Variants in ANKRD6 observed in about 807,000 individuals in gnomAD.
ANKRD6 encodes the protein ankyrin repeat domain 6.
In ANKRD6, 56 loss-of-function variants were observed where a neutral mutation model predicts 82.3. That is an observed-to-expected ratio of 0.68 (90% CI 0.55 to 0.85). ANKRD6 has a LOEUF of 0.85. Among genes scored for constraint, ANKRD6 ranks in the 40% least tolerant of loss-of-function variants. The probability of loss-of-function intolerance (pLI) is 0.00; values close to 1 mark genes in which losing one functional copy is unlikely to be tolerated. For synonymous variants in ANKRD6, 347 were observed against 352.1 expected (o/e 0.99, Z 0.16); for missense variants, 852 against 907.6 (o/e 0.94, Z 0.79).
intron 1 of ANKRD6, among the ~76,000 whole-genome samples, chr6:89,505,805 T>G (rs1357429235): frequency 6.6e-6 from 1 of 152,222 alleles, no homozygotes; most frequent in African/African-American, 2.4e-5. Context: ...TGTTGCAGCA[T>G]TACTTAAAAT....
intron 1 of ANKRD6, among the ~76,000 whole-genome samples, chr6:89,473,396 C>CT (rs1465893028): frequency 6.8e-6 from 1 of 147,150 alleles, no homozygotes; most frequent in African/African-American, 2.5e-5. Flanking sequence ...GAGTGAGACT[C>CT]TGTCTAAAAA....
chr6:89,601,540 TAAAAG>T (rs1797158479), intron 3 of ANKRD6: 1 of 152,202 alleles, frequency 6.6e-6, no homozygotes, highest in South Asian at 2.1e-4. Flanking sequence ...TATAAAAAGT[TAAAAG>T]AGAAAAATCC....
chr6:89,551,963 C>T (rs1043194103), intron 1 of ANKRD6, among the ~76,000 whole-genome samples: 3 of 152,172 alleles, frequency 2.0e-5, no homozygotes, highest in Admixed American at 6.5e-5. Flanking sequence ...CCTCTTTTTA[C>T]AAAGATGTGG....
At chr6:89,604,492 T>C (rs1285568297) in intron 4 of ANKRD6, among the ~76,000 whole-genome samples, 1 of 151,696 alleles carries the variant, frequency 6.6e-6, no homozygotes, top group Non-Finnish European at 1.5e-5. Flanking sequence ...TTAAAGAGGC[T>C]ATGCTGGGAA....
At chr6:89,599,896 T>C (rs1166590365) in intron 3 of ANKRD6, among the ~76,000 whole-genome samples, 2 of 151,890 alleles carry the variant, frequency 1.3e-5, no homozygotes, top group African/African-American at 4.8e-5. Flanking sequence ...AGTCCGAGCC[T>C]GGCCTGACAG....
intron 1 of ANKRD6, among the ~76,000 whole-genome samples, chr6:89,558,077 G>A (rs1786869276): frequency 6.6e-6 from 1 of 152,144 alleles, no homozygotes; most frequent in South Asian, 2.1e-4. Flanking sequence ...CCCCACTGCT[G>A]AGTTTGTGGA....
At chr6:89,535,611 G>A (rs1315052830) in intron 1 of ANKRD6, among the ~76,000 whole-genome samples, 1 of 152,232 alleles carries the variant, frequency 6.6e-6, no homozygotes, top group Non-Finnish European at 1.5e-5. Context: ...ACTCCTGGCA[G>A]TAGTGACCAG....
intron 1 of ANKRD6, chr6:89,561,629 T>C (rs991116990): frequency 6.6e-6 from 1 of 152,258 alleles, no homozygotes; most frequent in Non-Finnish European, 1.5e-5. Context: ...TCGTGGCTTT[T>C]CAGTGGCCAG....
At chr6:89,479,022 C>G (rs1334391265) in intron 1 of ANKRD6, among the ~76,000 whole-genome samples, 2 of 152,112 alleles carry the variant, frequency 1.3e-5, no homozygotes, top group African/African-American at 4.8e-5. Flanking sequence ...ATAATGCAGA[C>G]ATTTGGATGA....
Position 89,595,901 on chromosome 6 carries a change from A to G in ANKRD6, c.121-15A>G, listed in dbSNP as rs2128153175. 1.9e-6 allele frequency: 3 copies of G among 1,591,806 alleles called. No individual in the cohort carries two copies. Among genetic ancestry groups the G allele is most frequent in the Non-Finnish European group, 2.6e-6 (3 of 1,167,250 alleles). On this transcript the variant is annotated splice_polypyrimidine_tract_variant and intron_variant, in intron 2 of 15. Coordinates refer to ENST00000339746, the MANE Select transcript of ANKRD6 (RefSeq NM_001242809.2). Reference sequence around the variant, plus strand: ...AGGACTTGTTCCGAAATCATTGTTCATTTTGCATTCACAGCATGGCCGGAC... The same window carrying G: ...AGGACTTGTTCCGAAATCATTGTTCGTTTTGCATTCACAGCATGGCCGGAC...
chr6:89,470,620 A>G (rs1237694073), intron 1 of ANKRD6, among the ~76,000 whole-genome samples: 2 of 151,936 alleles, frequency 1.3e-5, no homozygotes, highest in Non-Finnish European at 2.9e-5. Context: ...TGCCTCAATA[A>G]TAATAATAAT....
At chr6:89,535,299 A>G (rs1158901170) in intron 1 of ANKRD6, among the ~76,000 whole-genome samples, 2 of 152,118 alleles carry the variant, frequency 1.3e-5, no homozygotes, top group Admixed American at 1.3e-4. Context: ...TGCAGTATAA[A>G]ATGGGATAAA....
At chr6:89,564,851 G>T (rs1248875942) in intron 1 of ANKRD6, among the ~76,000 whole-genome samples, 4 of 152,028 alleles carry the variant, frequency 2.6e-5, no homozygotes, top group Non-Finnish European at 5.9e-5. Context: ...TTAACAAATG[G>T]GTAGATGACG....
At chr6:89,563,715 G>T (rs967830863) in intron 1 of ANKRD6, among the ~76,000 whole-genome samples, 11 of 151,218 alleles carry the variant, frequency 7.3e-5, no homozygotes, top group African/African-American at 1.7e-4. Flanking sequence ...TTCTTAAACT[G>T]CCCCCCACCC....
Position 89,627,649 on chromosome 6 carries a change from C to A in ANKRD6, c.1438C>A (p.Leu480Met). ...SAERTECLNR[L>M]QQHSDTEKHE... ...AGAGAGGACGGAGTGCCTGAACCGC[C>A]TGCAACAGCACTCAGACACAGAGAA... Residue 480 changes from leucine (L) to methionine (M), a missense_variant, in exon 14 of 16, where the codon CTG becomes ATG. Transcript: ENST00000339746. 1 of 1,613,830 alleles carries A rather than the reference C, an allele frequency of 6.2e-7. No homozygotes were observed. Among genetic ancestry groups the A allele is most frequent in the Non-Finnish European group, 8.5e-7 (1 of 1,179,778 alleles).
At chr6:89,492,779 T>C (rs935549573) in intron 1 of ANKRD6, among the ~76,000 whole-genome samples, 8 of 152,228 alleles carry the variant, frequency 5.3e-5, no homozygotes, top group African/African-American at 1.7e-4. Flanking sequence ...CTAGAAGAAC[T>C]GGACCATTTG....
intron 1 of ANKRD6, among the ~76,000 whole-genome samples, chr6:89,480,236 A>G (rs1299792058): frequency 6.6e-6 from 1 of 152,154 alleles, no homozygotes; most frequent in Admixed American, 6.5e-5. Context: ...TTTCTGTTCT[A>G]TTTTGTGTGT....
chr6:89,557,030 T>C lies in ANKRD6; in HGVS notation c.-143-9804T>C, dbSNP rs562593341. The stretch of plus-strand genomic sequence containing the variant: ...ATAGGGGGAAGGGGAAGAAGAGAAA[T>C]GGGGGAGGAATGTTCCAGATTAGGG... On this transcript the variant is annotated intron_variant, in intron 1 of 15. Coordinates refer to ENST00000339746, the MANE Select transcript of ANKRD6 (RefSeq NM_001242809.2). Among the ~76,000 whole-genome samples the C allele has an allele frequency of 1.1e-4, 17 of 151,416 alleles. No homozygotes were observed. In the East Asian group the frequency reaches 3.3e-3, roughly 29 times the overall value.
chr6:89,475,459 G>A lies in ANKRD6; in HGVS notation c.-144+42084G>A, dbSNP rs1280942553. 2.0e-5 allele frequency among the ~76,000 whole-genome samples: 3 copies of A among 152,198 alleles called. No homozygotes were observed. In the East Asian group the frequency reaches 5.8e-4, roughly 29 times the overall value. On this transcript the variant is annotated intron_variant, in intron 1 of 15. Coordinates refer to ENST00000339746, the MANE Select transcript of ANKRD6 (RefSeq NM_001242809.2). ...ATTGATTCTGTTTGTTAGCATATCT[G>A]TACTGGCATGAATATGATTGGAACA...
Sources: allele counts gnomAD v4.1 joint callset (sites outside exome capture counted in the v4.1 genomes callset), GRCh38; gene constraint gnomAD v4.1.1; transcripts MANE v1.5; gene names NCBI Gene and HGNC (gene_info 2026-07-23, HGNC 2026-07-21).